Variants in CRTC3 observed in about 807,000 individuals in gnomAD.
CRTC3 encodes CREB regulated transcription coactivator 3.
CRTC3 carries 26 observed loss-of-function variants against 74.5 expected under a neutral mutation model. That is an observed-to-expected ratio of 0.35 (90% CI 0.26 to 0.48). CRTC3 has a LOEUF of 0.48. CRTC3 is among the 20% of genes least tolerant of loss of function. The pLI, the probability that CRTC3 is intolerant of heterozygous loss-of-function variation, is 0.99. For synonymous variants in CRTC3, 377 were observed against 325.8 expected (o/e 1.16, Z -1.69); for missense variants, 760 against 787.3 (o/e 0.97, Z 0.41).
chr15:90,617,083 T>A lies in CRTC3; in HGVS notation c.614-800T>A, dbSNP rs1968512471. 2.6e-5 allele frequency among the ~76,000 whole-genome samples: 4 copies of A among 152,110 alleles called. No individual in the cohort carries two copies. In the South Asian group the frequency reaches 8.3e-4, roughly 32 times the overall value. On this transcript the variant is annotated intron_variant, in intron 7 of 14. Transcript: ENST00000268184. ...TACATTTTACTTCCTACCATCCCCT[T>A]GACTCAGCCTACACTCCAGTTGAAA...
At position 90,625,642 on chromosome 15, in the gene CRTC3, C is replaced by A. The variant is rs1968806249; in HGVS notation, c.750-134C>A. 7 of 760,772 alleles carry A rather than the reference C, an allele frequency of 9.2e-6. No individual in the cohort carries two copies. The South Asian group carries it at 9.7e-5, about 11-fold the overall frequency. The allele number at this position is 760,772 out of a possible 1,614,324, so 47.1% of individuals were successfully genotyped here. On this transcript the variant is annotated intron_variant, in intron 9 of 14. Coordinates refer to ENST00000268184, the MANE Select transcript of CRTC3 (RefSeq NM_022769.5). ...AGCCGAGCACCAGTGTTCTCAGAAT[C>A]AGAGAGGCCGCACCAGGACCTCGGT...
chr15:90,551,644 C>G (rs1169883296), intron 2 of CRTC3, among the ~76,000 whole-genome samples: 1 of 152,056 alleles, frequency 6.6e-6, no homozygotes, highest in Non-Finnish European at 1.5e-5. Flanking sequence ...CCTTAAGAGC[C>G]CAGGGCTTTA....
At chr15:90,540,175 G>C (rs1462914969) in intron 2 of CRTC3, 38 bp downstream of exon 2, 7 of 1,364,150 alleles carry the variant, frequency 5.1e-6, no homozygotes, top group Non-Finnish European at 7.2e-6. Flanking sequence ...GCTGAATGGA[G>C]TGTAAAAAAT....
At chr15:90,619,191 T>C (rs1302307352) in intron 8 of CRTC3, among the ~76,000 whole-genome samples, 1 of 152,242 alleles carries the variant, frequency 6.6e-6, no homozygotes, top group African/African-American at 2.4e-5. Context: ...ACCCAGTGGC[T>C]CATGCCTGTA....
rs186320665 is a variant in CRTC3 at position 90,632,755 on chromosome 15, C to T, written c.1266+3223C>T. On this transcript the variant is annotated intron_variant, in intron 11 of 14. Coordinates refer to ENST00000268184, the MANE Select transcript of CRTC3 (RefSeq NM_022769.5). ...AAGTAGCTGGGACTACAGGCATGTGCCACGACGCCTGGCTACTTTTTGTAT... is the reference window on the plus strand; with the variant it reads ...AAGTAGCTGGGACTACAGGCATGTGTCACGACGCCTGGCTACTTTTTGTAT... Among the ~76,000 whole-genome samples, 51 of 152,284 alleles carry T rather than the reference C, an allele frequency of 3.3e-4. No individual in the cohort carries two copies. In the East Asian group the frequency reaches 8.5e-3, roughly 25 times the overall value.
chr15:90,629,119 TC>T, intron 10 of CRTC3, 114 bp from the exon 11 acceptor site: 3 of 972,548 alleles, frequency 3.1e-6, no homozygotes, highest in Admixed American at 5.3e-5. Flanking sequence ...GTCCAGGAGC[TC>T]CTTTACCTAC....
At chr15:90,569,679 C>G (rs371873581) in intron 2 of CRTC3, among the ~76,000 whole-genome samples, 2 of 151,780 alleles carry the variant, frequency 1.3e-5, no homozygotes, top group Admixed American at 6.6e-5. Context: ...TTTCAAGATT[C>G]AAGCAATCCT....
chr15:90,606,191 G>C (rs1370065109), intron 5 of CRTC3, among the ~76,000 whole-genome samples: 1 of 152,062 alleles, frequency 6.6e-6, no homozygotes, highest in Non-Finnish European at 1.5e-5. Context: ...GGGAGGCAGA[G>C]GTTGCAGTGA....
intron 5 of CRTC3, among the ~76,000 whole-genome samples, chr15:90,605,411 T>TATAG (rs1477768194): frequency 6.6e-6 from 1 of 152,184 alleles, no homozygotes; most frequent in East Asian, 1.9e-4. Context: ...GACTGGCTAG[T>TATAG]ATAGTATTGT....
intron 3 of CRTC3, chr15:90,599,561 G>A (rs1386987695): frequency 6.6e-6 from 1 of 152,106 alleles, no homozygotes; most frequent in Non-Finnish European, 1.5e-5. Flanking sequence ...TAACATGAGT[G>A]GTTCTCTTGG....
intron 2 of CRTC3, among the ~76,000 whole-genome samples, chr15:90,573,041 C>T (rs1967313344): frequency 6.6e-6 from 1 of 152,126 alleles, no homozygotes; most frequent in South Asian, 2.1e-4. Flanking sequence ...AAACTCTGTA[C>T]CTATTAACAA....
chr15:90,629,491 C>G lies in CRTC3; in HGVS notation c.1225C>G (p.Leu409Val). 3 of 1,614,160 alleles carry G rather than the reference C, an allele frequency of 1.9e-6. No individual in the cohort carries two copies. The highest frequency in any genetic ancestry group is 1.7e-5 in the Admixed American group (1 of 60,016). Residue 409 changes from leucine to valine, a missense_variant, in exon 11 of 15, where the codon CTG (leucine) becomes GTG (valine). Transcript: ENST00000268184. ...PEAHQGFSRQ[L>V]SSTSPLAPYP... ...AGCACATCAAGGTTTCAGCAGACAG[C>G]TGTCTTCAACCAGCCCACTGGCCCC...
chr15:90,635,337 G>T (rs1969193978), intron 11 of CRTC3, among the ~76,000 whole-genome samples: 1 of 152,066 alleles, frequency 6.6e-6, no homozygotes, highest in Admixed American at 6.6e-5. Flanking sequence ...GAAACTCCTG[G>T]TGTCATAAGT....
At position 90,617,896 on chromosome 15, in the gene CRTC3, T is replaced by C. The variant is rs760512655; in HGVS notation, c.627T>C (p.Pro209=). 6.2e-7 allele frequency: 1 copy of C among 1,611,482 alleles called. No individual in the cohort carries two copies. Among genetic ancestry groups the C allele is most frequent in the Non-Finnish European group, 8.5e-7 (1 of 1,177,780 alleles). Residue 209 remains proline, a synonymous_variant, in exon 8 of 15, where the codon CCT becomes CCC. Transcript: ENST00000268184. ...TTTTCCCTTTAGTAGCATCTTTCCC[T>C]GGCCCATTGAAAGAAGAGAATCTGT... is the stretch of plus-strand genomic sequence containing the variant. ...NNGHGEVASF[P]GPLKEENLLN... is the part of the protein sequence containing the mutation.
intron 9 of CRTC3, among the ~76,000 whole-genome samples, chr15:90,625,349 CTG>C (rs1968796412): frequency 6.6e-6 from 1 of 151,896 alleles, no homozygotes; most frequent in South Asian, 2.1e-4. Flanking sequence ...TTTATGAAGA[CTG>C]TAATTTTAAA....
chr15:90,626,387 G>C (rs1968834951), intron 10 of CRTC3, among the ~76,000 whole-genome samples: 1 of 152,100 alleles, frequency 6.6e-6, no homozygotes, highest in Non-Finnish European at 1.5e-5. Context: ...ATTTCTAAAG[G>C]CAATATTCTG....
At chr15:90,563,887 C>T (rs569235880) in intron 2 of CRTC3, among the ~76,000 whole-genome samples, 1 of 152,250 alleles carries the variant, frequency 6.6e-6, no homozygotes, top group African/African-American at 2.4e-5. Context: ...TTCCCGCCTT[C>T]CTTCCTTTTT....
chr15:90,549,896 G>T (rs1164789380), intron 2 of CRTC3, among the ~76,000 whole-genome samples: 1 of 149,916 alleles, frequency 6.7e-6, no homozygotes, highest in Non-Finnish European at 1.5e-5. Flanking sequence ...TAGAGACAGG[G>T]TTTCACCATG....
chr15:90,540,708 G>C (rs935518854), intron 2 of CRTC3, among the ~76,000 whole-genome samples: 1 of 152,168 alleles, frequency 6.6e-6, no homozygotes, highest in African/African-American at 2.4e-5. Flanking sequence ...AGGAGGCGGA[G>C]GGTGCAGTGA....
Sources: gnomAD v4.1 joint callset for allele counts (sites outside exome capture counted in the v4.1 genomes callset) on GRCh38, gnomAD v4.1.1 for gene constraint, MANE v1.5 for transcripts, NCBI Gene and HGNC (gene_info 2026-07-23, HGNC 2026-07-21) for gene names.